The following DIAPH1 variants were observed in gnomAD, a reference collection of about 807,000 sequenced individuals.
DIAPH1 encodes protein diaphanous homolog 1.
DIAPH1 carries 46 observed loss-of-function variants against 140.7 expected under a neutral mutation model. That is an observed-to-expected ratio of 0.33 (90% CI 0.26 to 0.42). The LOEUF (loss-of-function observed/expected upper bound fraction) is 0.42. Among genes scored for constraint, DIAPH1 ranks in the 10% least tolerant of loss-of-function variants. The pLI, the probability that DIAPH1 is intolerant of heterozygous loss-of-function variation, is 1.00. For missense variants in DIAPH1, 1,310 were observed against 1,558.7 expected (o/e 0.84, Z 2.69); for synonymous variants, 565 against 551.6 (o/e 1.02, Z -0.34).
At chr5:141,525,493 A>G (rs2099887197) in intron 26 of DIAPH1, among the ~76,000 whole-genome samples, 1 of 152,216 alleles carries the variant, frequency 6.6e-6, no homozygotes, top group Non-Finnish European at 1.5e-5. Context: ...TGCTTCTGGT[A>G]GTGAAACAGA....
intron 1 of DIAPH1, among the ~76,000 whole-genome samples, chr5:141,592,281 C>T (rs1009903931): frequency 1.3e-5 from 2 of 151,982 alleles, no homozygotes; most frequent in Non-Finnish European, 2.9e-5. Context: ...GAATCCAATA[C>T]AACACTCAAA....
chr5:141,595,556 T>C (rs1368334645), intron 1 of DIAPH1, among the ~76,000 whole-genome samples: 1 of 152,186 alleles, frequency 6.6e-6, no homozygotes, highest in African/African-American at 2.4e-5. Context: ...GTGAGTCTCA[T>C]GAAATCTTAT....
Position 141,518,924 on chromosome 5 carries a change from G to C in DIAPH1, c.3662-1916C>G, listed in dbSNP as rs1016534393. The C allele has an allele frequency of 4.5e-6, 7 of 1,549,830 alleles. No homozygotes were observed. The Admixed American group carries it at 9.8e-5, about 22-fold the overall frequency. The stretch of plus-strand genomic sequence containing the variant: ...TGCCCATAGATCAAGCAGGGAACAC[G>C]CAGCATGCACACAGGTTACCAATTT... On this transcript the variant is annotated intron_variant, in intron 27 of 27. Coordinates refer to ENST00000389054, the MANE Select transcript of DIAPH1 (RefSeq NM_005219.5).
At chr5:141,612,804 T>C (rs2099902053) in intron 1 of DIAPH1, among the ~76,000 whole-genome samples, 1 of 152,204 alleles carries the variant, frequency 6.6e-6, no homozygotes, top group South Asian at 2.1e-4. Flanking sequence ...AAGGGTATCT[T>C]TTCTACTTGA....
At chr5:141,609,411 A>G (rs1223014328) in intron 1 of DIAPH1, among the ~76,000 whole-genome samples, 2 of 152,082 alleles carry the variant, frequency 1.3e-5, no homozygotes, top group African/African-American at 4.8e-5. Flanking sequence ...CTGTCAGTAC[A>G]ATGTAGTGAG....
chr5:141,577,877 C>A (rs1009012923), intron 11 of DIAPH1: 10 of 497,324 alleles, frequency 2.0e-5, no homozygotes, highest in African/African-American at 1.7e-4. Context: ...AAGTCACTTA[C>A]TGAAAATATT....
At chr5:141,607,056 A>G (rs991405987) in intron 1 of DIAPH1, among the ~76,000 whole-genome samples, 1 of 152,100 alleles carries the variant, frequency 6.6e-6, no homozygotes, top group African/African-American at 2.4e-5. Flanking sequence ...TACATAAAGG[A>G]TATTAACTAA....
At chr5:141,534,287 A>C (rs1278161220) in intron 19 of DIAPH1, 48 bp downstream of exon 19, 17 of 1,437,192 alleles carry the variant, frequency 1.2e-5, no homozygotes, top group Non-Finnish European at 1.6e-5. Context: ...AAAAATTCTT[A>C]AAAGAATTCC....
At chr5:141,605,479 A>G (rs962235015) in intron 1 of DIAPH1, among the ~76,000 whole-genome samples, 27 of 152,358 alleles carry the variant, frequency 1.8e-4, no homozygotes, top group African/African-American at 6.5e-4. Context: ...AAACATCATC[A>G]TCCAATTACC....
At chr5:141,536,249 C>T (rs994560825) in intron 18 of DIAPH1, among the ~76,000 whole-genome samples, 2 of 152,180 alleles carry the variant, frequency 1.3e-5, no homozygotes, top group African/African-American at 4.8e-5. Context: ...CTGCAGTGAG[C>T]TGTGATGGTG....
At chr5:141,608,882 G>C (rs1018447749) in intron 1 of DIAPH1, among the ~76,000 whole-genome samples, 1 of 152,070 alleles carries the variant, frequency 6.6e-6, no homozygotes, top group East Asian at 1.9e-4. Flanking sequence ...GATAACTATA[G>C]AGACAGTCTA....
intron 11 of DIAPH1, chr5:141,577,893 G>A (rs541632552): frequency 1.5e-4 from 73 of 501,572 alleles, no homozygotes; most frequent in African/African-American, 1.2e-3. Flanking sequence ...ATATTAACAG[G>A]TAACTAAATT....
chr5:141,547,803 A>G (rs1181965244), intron 18 of DIAPH1, among the ~76,000 whole-genome samples: 2 of 152,218 alleles, frequency 1.3e-5, no homozygotes, highest in Non-Finnish European at 2.9e-5. Flanking sequence ...CCTTCAACAT[A>G]CAGAATCAAG....
intron 1 of DIAPH1, among the ~76,000 whole-genome samples, chr5:141,594,805 C>T (rs1339643543): frequency 6.6e-6 from 1 of 151,818 alleles, no homozygotes; most frequent in East Asian, 1.9e-4. Context: ...CTTTGGGAGG[C>T]TGAGGCAGGT....
In DIAPH1 at chr5:141,606,129, T is replaced by C. The variant is rs200522769; in HGVS notation, c.117+12669A>G. Among the ~76,000 whole-genome samples, 14 of 152,188 alleles carry C rather than the reference T, an allele frequency of 9.2e-5. No homozygotes were observed. In the East Asian group the frequency reaches 2.7e-3, roughly 29 times the overall value. On this transcript the variant is annotated intron_variant, in intron 1 of 27. Coordinates refer to ENST00000389054, the MANE Select transcript of DIAPH1 (RefSeq NM_005219.5). ...TGCCAAATGAAGGAACTGAAGGAAT[T>C]CTTATAGCTCTGGGTGGGAGTATAT...
intron 1 of DIAPH1, among the ~76,000 whole-genome samples, chr5:141,616,384 T>G (rs1354688037): frequency 6.6e-6 from 1 of 152,102 alleles, no homozygotes; most frequent in African/African-American, 2.4e-5. Flanking sequence ...ACCAGTGCAG[T>G]TTTATACAGT....
At chr5:141,542,707 A>AGGAGCAACTGCT (rs1394446620) in intron 18 of DIAPH1, among the ~76,000 whole-genome samples, 1 of 152,230 alleles carries the variant, frequency 6.6e-6, no homozygotes, top group Non-Finnish European at 1.5e-5. Flanking sequence ...TGGAGGAATG[A>AGGAGCAACTGCT]GGAGCAACTG....
intron 1 of DIAPH1, among the ~76,000 whole-genome samples, chr5:141,613,207 T>A (rs1274779391): frequency 6.6e-6 from 1 of 152,206 alleles, no homozygotes; most frequent in East Asian, 1.9e-4. Flanking sequence ...AACTCTCATT[T>A]GCATCCCCTT....
Position 141,578,690 on chromosome 5 carries a change from T to G in DIAPH1, c.934-65A>C, listed in dbSNP as rs2099896308. ...CCTGGAGATCAAGAATCCATTTTCT[T>G]TACATGCATTCTTAGGTCCCCAATA... On this transcript the variant is annotated intron_variant, in intron 9 of 27. Coordinates refer to ENST00000389054, the MANE Select transcript of DIAPH1 (RefSeq NM_005219.5). 4 of 1,251,222 alleles carry G rather than the reference T, an allele frequency of 3.2e-6. No homozygotes were observed. The South Asian group carries it at 4.8e-5, about 15-fold the overall frequency. 77.5% of individuals were successfully genotyped at this position (1,251,222 alleles called of 1,614,324 possible). A position where few individuals can be genotyped will look rare whatever the true frequency, so the allele number is the denominator to read the frequency against.
Sources: gnomAD v4.1 joint callset for allele counts (sites outside exome capture counted in the v4.1 genomes callset) on GRCh38, gnomAD v4.1.1 for gene constraint, MANE v1.5 for transcripts, NCBI Gene and HGNC (gene_info 2026-07-23, HGNC 2026-07-21) for gene names.